ST6GALNAC3: variants seen among roughly 807,000 people sequenced by gnomAD.
The protein encoded by ST6GALNAC3 is alpha-N-acetylgalactosaminide alpha-2,6-sialyltransferase 3.
Under a neutral mutation model 32.7 loss-of-function variants are expected in ST6GALNAC3, and 25 were observed. The observed-to-expected ratio is 0.76, with a 90% CI of 0.56 to 1.07. The LOEUF (loss-of-function observed/expected upper bound fraction) is 1.07. ST6GALNAC3 is among the 50% of genes least tolerant of loss of function. The pLI is 0.00. For missense variants in ST6GALNAC3, 355 were observed against 382.4 expected (o/e 0.93, Z 0.60); for synonymous variants, 129 against 133.1 (o/e 0.97, Z 0.21).
At chr1:76,550,279 T>G (rs927706726) in intron 3 of ST6GALNAC3, among the ~76,000 whole-genome samples, 14 of 152,206 alleles carry the variant, frequency 9.2e-5, no homozygotes, top group Non-Finnish European at 2.1e-4. Flanking sequence ...CCATATTTAC[T>G]TATAAAAGCT....
chr1:76,601,667 G>A (rs532892115), intron 3 of ST6GALNAC3, among the ~76,000 whole-genome samples: 26 of 152,328 alleles, frequency 1.7e-4, no homozygotes, highest in African/African-American at 6.0e-4. Flanking sequence ...TTTACAAGGA[G>A]TAAACAACCA....
intron 3 of ST6GALNAC3, among the ~76,000 whole-genome samples, chr1:76,602,985 A>G (rs191590167): frequency 7.3e-4 from 111 of 152,336 alleles, no homozygotes; most frequent in Non-Finnish European, 9.3e-4. Context: ...TGAAAAGATT[A>G]TCAACCTCAT....
At chr1:76,198,761 G>A (rs543097293) in intron 1 of ST6GALNAC3, among the ~76,000 whole-genome samples, 89 of 152,228 alleles carry the variant, frequency 5.8e-4, no homozygotes, top group African/African-American at 1.8e-3. Context: ...TAGATATGTC[G>A]GATTTGAGGT....
chr1:76,321,933 A>G (rs1646975014), intron 2 of ST6GALNAC3, among the ~76,000 whole-genome samples: 1 of 152,192 alleles, frequency 6.6e-6, no homozygotes, highest in African/African-American at 2.4e-5. Context: ...CACTTTACAA[A>G]TCACATTTTT....
At chr1:76,635,913 C>A (rs1337582772), downstream of ST6GALNAC3, among the ~76,000 whole-genome samples, 1 of 152,158 alleles carries the variant, frequency 6.6e-6, no homozygotes, top group Non-Finnish European at 1.5e-5. Flanking sequence ...ATGGGCAATG[C>A]TGTCTAAATG....
chr1:76,095,207 G>A (rs1473519537), intron 1 of ST6GALNAC3, among the ~76,000 whole-genome samples: 2 of 151,954 alleles, frequency 1.3e-5, no homozygotes, highest in Admixed American at 1.3e-4. Context: ...CATATCTGCT[G>A]TACTGGTTGT....
chr1:76,145,588 C>T (rs577921785), intron 1 of ST6GALNAC3, among the ~76,000 whole-genome samples: 8 of 152,150 alleles, frequency 5.3e-5, no homozygotes, highest in Non-Finnish European at 8.8e-5. Context: ...TTTTCAATTA[C>T]GGAAATAATT....
At chr1:76,155,768 C>T (rs1473218889) in intron 1 of ST6GALNAC3, among the ~76,000 whole-genome samples, 5 of 152,222 alleles carry the variant, frequency 3.3e-5, no homozygotes, top group Admixed American at 6.5e-5. Flanking sequence ...TGAGCCACCG[C>T]GCCCGGCCTC....
chr1:76,628,553 T>A, intron 4 of ST6GALNAC3, 67 bp from the exon 5 acceptor site: 1 of 1,403,966 alleles, frequency 7.1e-7, no homozygotes, highest in East Asian at 2.4e-5. Context: ...CATAATGGAT[T>A]CTTGTAAATG....
At chr1:76,622,302 C>T (rs555773720) in intron 3 of ST6GALNAC3, among the ~76,000 whole-genome samples, 100 of 152,046 alleles carry the variant, frequency 6.6e-4, no homozygotes, top group Non-Finnish European at 1.3e-3. Context: ...CTAAGACTTG[C>T]CCTTTGGGTC....
intron 3 of ST6GALNAC3, among the ~76,000 whole-genome samples, chr1:76,601,762 G>C (rs1647246517): frequency 6.6e-6 from 1 of 152,176 alleles, no homozygotes; most frequent in South Asian, 2.1e-4. Context: ...GAAGGGGGAA[G>C]AAGCCTTTTG....
At chr1:76,281,582 G>A (rs1382683499) in intron 1 of ST6GALNAC3, among the ~76,000 whole-genome samples, 27 of 152,158 alleles carry the variant, frequency 1.8e-4, no homozygotes, top group Admixed American at 1.7e-3. Flanking sequence ...GAAGAGTGTC[G>A]GAAAATGAAA....
At chr1:76,396,457 G>A (rs34103096) in intron 2 of ST6GALNAC3, among the ~76,000 whole-genome samples, 3 of 152,080 alleles carry the variant, frequency 2.0e-5, no homozygotes, top group African/African-American at 4.8e-5. Flanking sequence ...AGAGGGAGAC[G>A]CTGTCTCAAG....
chr1:76,355,750 A>G (rs1240901421), intron 2 of ST6GALNAC3, among the ~76,000 whole-genome samples: 1 of 152,162 alleles, frequency 6.6e-6, no homozygotes, highest in Non-Finnish European at 1.5e-5. Context: ...CTACAAGATT[A>G]TTTTTGGCTC....
intron 1 of ST6GALNAC3, among the ~76,000 whole-genome samples, chr1:76,206,960 G>A (rs1277320655): frequency 6.6e-6 from 1 of 152,116 alleles, no homozygotes; most frequent in African/African-American, 2.4e-5. Context: ...CCTTGAGGAC[G>A]CAATATGCTA....
In ST6GALNAC3 at chr1:76,566,670, C is replaced by T. The variant is rs1397172410; in HGVS notation, c.624-60782C>T. Among the ~76,000 whole-genome samples, 3 of 152,158 alleles carry T rather than the reference C, an allele frequency of 2.0e-5. 1 individual carries two copies. The highest frequency in any genetic ancestry group is 7.2e-5 in the African/African-American group (3 of 41,426). The stretch of plus-strand genomic sequence containing the variant: ...ACCAGAAAGGCTTTGTTGAACCACC[C>T]CAGATAAAATAAAGTCCCCTGCCTT... On this transcript the variant is annotated intron_variant, in intron 3 of 4. Transcript: ENST00000328299.
chr1:76,521,457 C>T (rs913539827), intron 3 of ST6GALNAC3, among the ~76,000 whole-genome samples: 2 of 152,212 alleles, frequency 1.3e-5, no homozygotes, highest in African/African-American at 4.8e-5. Flanking sequence ...TGGGCTCAAG[C>T]AAACCCCCTG....
chr1:76,114,387 T>C (rs554161464), intron 1 of ST6GALNAC3, among the ~76,000 whole-genome samples: 1 of 152,282 alleles, frequency 6.6e-6, no homozygotes, highest in East Asian at 1.9e-4. Context: ...GTTTCTTTCC[T>C]AGAACAGGGA....
intron 2 of ST6GALNAC3, among the ~76,000 whole-genome samples, chr1:76,366,352 C>T (rs1372218792): frequency 6.6e-6 from 1 of 152,070 alleles, no homozygotes; most frequent in Non-Finnish European, 1.5e-5. Context: ...AAATGAAGTA[C>T]ATACTATTTA....
Sources: allele counts gnomAD v4.1 joint callset (sites outside exome capture counted in the v4.1 genomes callset), GRCh38; gene constraint gnomAD v4.1.1; transcripts MANE v1.5; gene names NCBI Gene and HGNC (gene_info 2026-07-23, HGNC 2026-07-21).